Variants in CSMD3 observed in about 807,000 individuals in gnomAD.
CSMD3 encodes CUB and sushi domain-containing protein 3.
In CSMD3, 177 loss-of-function variants were observed where a neutral mutation model predicts 435.2. That is an observed-to-expected ratio of 0.41 (90% CI 0.36 to 0.46). CSMD3 has a LOEUF of 0.46. Among genes scored for constraint, CSMD3 ranks in the 20% least tolerant of loss-of-function variants. The pLI is 0.34. For synonymous variants in CSMD3, 1,656 were observed against 1,520.5 expected (o/e 1.09, Z -2.07); for missense variants, 4,265 against 4,504.6 (o/e 0.95, Z 1.52).
At chr8:112,429,532 C>A (rs1813437388) in intron 32 of CSMD3, among the ~76,000 whole-genome samples, 1 of 151,920 alleles carries the variant, frequency 6.6e-6, no homozygotes, top group African/African-American at 2.4e-5. Context: ...AGTGCTATGA[C>A]CCCAGAGTGT....
chr8:112,414,380 C>A (rs1291130118), intron 32 of CSMD3, among the ~76,000 whole-genome samples: 1 of 152,138 alleles, frequency 6.6e-6, no homozygotes, highest in Non-Finnish European at 1.5e-5. Context: ...GGCATTCCCC[C>A]TGCTGGCTCA....
At chr8:112,547,943 T>C (rs1827333190) in intron 27 of CSMD3, among the ~76,000 whole-genome samples, 2 of 152,106 alleles carry the variant, frequency 1.3e-5, no homozygotes, top group Non-Finnish European at 2.9e-5. Flanking sequence ...TATGAATGAA[T>C]GGGTAGGATG....
intron 53 of CSMD3, among the ~76,000 whole-genome samples, chr8:112,296,557 A>T (rs931886790): frequency 1.1e-3 from 161 of 140,980 alleles, no homozygotes; most frequent in Admixed American, 4.1e-3. Context: ...CTCAAAAAAA[A>T]AATAAATAAA....
chr8:112,745,778 T>C (rs1202889630), intron 13 of CSMD3, among the ~76,000 whole-genome samples: 1 of 151,766 alleles, frequency 6.6e-6, no homozygotes, highest in East Asian at 2.0e-4. Context: ...TGCTTACTAA[T>C]ACAAAATGCC....
Position 113,369,070 on chromosome 8 carries a change from AAGG to A in CSMD3, c.179-54280_179-54278del, listed in dbSNP as rs566294825. 2.7e-3 allele frequency among the ~76,000 whole-genome samples: 413 copies of A among 152,156 alleles called. 2 individuals carry two copies. The highest frequency in any genetic ancestry group is 2.5e-3 in the Non-Finnish European group (171 of 67,906). On this transcript the variant is annotated intron_variant, in intron 1 of 70. Coordinates refer to ENST00000297405, the MANE Select transcript of CSMD3 (RefSeq NM_198123.2). ...TAATGGTGGCAAGTGAGGCAAACAAAAGGAGAATACTACTCATTTTCATTCCTG... is the reference window on the plus strand; with the variant it reads ...TAATGGTGGCAAGTGAGGCAAACAAAAGAATACTACTCATTTTCATTCCTG...
chr8:112,488,518 G>C (rs1820367679), intron 31 of CSMD3, among the ~76,000 whole-genome samples: 1 of 152,066 alleles, frequency 6.6e-6, no homozygotes, highest in Non-Finnish European at 1.5e-5. Flanking sequence ...TCACTCCTAG[G>C]AATCACAGTT....
At chr8:112,897,402 G>A (rs964335330) in intron 10 of CSMD3, among the ~76,000 whole-genome samples, 2 of 151,292 alleles carry the variant, frequency 1.3e-5, no homozygotes, top group South Asian at 2.1e-4. Context: ...CATTATAGGA[G>A]GAAATCATTA....
chr8:113,117,359 C>T (rs777990062), intron 4 of CSMD3, among the ~76,000 whole-genome samples: 3 of 152,070 alleles, frequency 2.0e-5, no homozygotes, highest in Non-Finnish European at 4.4e-5. Context: ...TGGTATTGAG[C>T]CTGAGGGTAC....
intron 6 of CSMD3, among the ~76,000 whole-genome samples, chr8:112,995,203 G>GA (rs949068283): frequency 6.6e-6 from 1 of 151,300 alleles, no homozygotes; most frequent in Admixed American, 6.6e-5. Flanking sequence ...TGCTACATAA[G>GA]AAAAAAATAT....
chr8:113,349,106 C>T (rs946697963), intron 1 of CSMD3, among the ~76,000 whole-genome samples: 5 of 152,164 alleles, frequency 3.3e-5, no homozygotes, highest in Admixed American at 3.3e-4. Context: ...CTCTGAGCCT[C>T]ACAGCTAAAA....
intron 37 of CSMD3, among the ~76,000 whole-genome samples, chr8:112,381,843 C>G (rs993386878): frequency 6.6e-6 from 1 of 152,162 alleles, no homozygotes; most frequent in Non-Finnish European, 1.5e-5. Flanking sequence ...TCTCTCTAAG[C>G]CTCAATTACC....
chr8:112,816,762 A>G (rs1392593196), intron 12 of CSMD3, among the ~76,000 whole-genome samples: 1 of 151,944 alleles, frequency 6.6e-6, no homozygotes, highest in African/African-American at 2.4e-5. Context: ...AGAAAACAGA[A>G]CTATCTTTTC....
intron 3 of CSMD3, among the ~76,000 whole-genome samples, chr8:113,256,898 G>A (rs1366872133): frequency 3.3e-5 from 5 of 152,144 alleles, no homozygotes; most frequent in Non-Finnish European, 1.5e-5. Flanking sequence ...AGGCTCCTGA[G>A]CCCCACTCCA....
chr8:113,353,562 T>C (rs1470818440), intron 1 of CSMD3, among the ~76,000 whole-genome samples: 1 of 152,226 alleles, frequency 6.6e-6, no homozygotes, highest in Non-Finnish European at 1.5e-5. Context: ...GAGACATTTT[T>C]AGATTTGTTT....
chr8:112,464,674 A>C (rs956322508), intron 32 of CSMD3, among the ~76,000 whole-genome samples: 1 of 152,182 alleles, frequency 6.6e-6, no homozygotes, highest in African/African-American at 2.4e-5. Flanking sequence ...CTTATAATGT[A>C]AAAATATGAA....
At chr8:112,225,015 G>T in intron 70 of CSMD3, 85 bp from the exon 71 acceptor site, 1 of 1,256,586 alleles carries the variant, frequency 8.0e-7, no homozygotes, top group Non-Finnish European at 1.2e-6. Context: ...TACATCGTTA[G>T]CAGATAATGT....
rs376850396 is a variant in CSMD3, at chr8:113,104,132, G to C, written c.710-5169C>G. On this transcript the variant is annotated intron_variant, in intron 4 of 70. Transcript: ENST00000297405. ...CTCTACCTTGCTATTAGTTTCTGCT[G>C]AAATAGCTTAGTGTTGGGGGTGGGG... Among the ~76,000 whole-genome samples the C allele has an allele frequency of 7.2e-5, 11 of 152,180 alleles. No individual in the cohort carries two copies. In the East Asian group the frequency reaches 1.9e-3, roughly 27 times the overall value.
intron 28 of CSMD3, among the ~76,000 whole-genome samples, chr8:112,509,819 T>A (rs1354533949): frequency 6.6e-6 from 1 of 152,184 alleles, no homozygotes; most frequent in Non-Finnish European, 1.5e-5. Context: ...TTCTAATTTT[T>A]ATACCCTGAT....
intron 6 of CSMD3, among the ~76,000 whole-genome samples, chr8:113,016,786 C>T (rs751395746): frequency 4.0e-5 from 6 of 151,786 alleles, no homozygotes; most frequent in Non-Finnish European, 5.9e-5. Context: ...AGCATCGTTA[C>T]CATTTCATGA....
Sources: allele counts gnomAD v4.1 joint callset (sites outside exome capture counted in the v4.1 genomes callset), GRCh38; gene constraint gnomAD v4.1.1; transcripts MANE v1.5; gene names NCBI Gene and HGNC (gene_info 2026-07-23, HGNC 2026-07-21).